The following RFLNA variants were observed in gnomAD, a reference collection of about 807,000 sequenced individuals.
RFLNA encodes refilin-A.
In RFLNA, 5 loss-of-function variants were observed where a neutral mutation model predicts 7.8. The observed-to-expected ratio is 0.64, with a 90% CI of 0.34 to 1.35. RFLNA has a LOEUF of 1.35. Ranked by LOEUF, RFLNA falls within the 40% of genes most tolerant of loss-of-function variation. The probability of loss-of-function intolerance (pLI) is 0.04; values close to 1 mark genes in which losing one functional copy is unlikely to be tolerated. For missense variants in RFLNA, 278 were observed against 305.5 expected (o/e 0.91, Z 0.67); for synonymous variants, 141 against 131.3 (o/e 1.07, Z -0.50).
chr12:124,301,441 C>T (rs548321032), intron 1 of RFLNA, among the ~76,000 whole-genome samples: 3 of 152,266 alleles, frequency 2.0e-5, no homozygotes, highest in African/African-American at 7.2e-5. Flanking sequence ...GCAGCTTTCC[C>T]GGAGACAGCT....
At chr12:124,295,967 G>T (rs1269692354) in intron 1 of RFLNA, among the ~76,000 whole-genome samples, 1 of 151,640 alleles carries the variant, frequency 6.6e-6, no homozygotes, top group Non-Finnish European at 1.5e-5. Flanking sequence ...TGTTGGCTAG[G>T]TGGGCTTGCG....
chr12:124,301,288 CG>C (rs1294259767), intron 1 of RFLNA, among the ~76,000 whole-genome samples: 3 of 152,214 alleles, frequency 2.0e-5, no homozygotes, highest in African/African-American at 7.2e-5. Context: ...CCCCGGTCTC[CG>C]GGGCAGGCTT....
intron 1 of RFLNA, among the ~76,000 whole-genome samples, chr12:124,309,007 G>C (rs372096959): frequency 6.6e-6 from 1 of 152,242 alleles, no homozygotes; most frequent in Non-Finnish European, 1.5e-5. Context: ...ATGAATTTAA[G>C]TTGAATAGCC....
chr12:124,310,198 C>CAAAAAAAAAAAAAAAAAAAA (rs2034216894), intron 1 of RFLNA, among the ~76,000 whole-genome samples: 2 of 31,146 alleles, frequency 6.4e-5, no homozygotes, highest in East Asian at 1.3e-3. Flanking sequence ...AAAAAAAAAG[C>CAAAAAAAAAAAAAAAAAAAA]CTTTAGAAAC....
intron 1 of RFLNA, among the ~76,000 whole-genome samples, chr12:124,308,056 A>T (rs1481198461): frequency 6.7e-6 from 1 of 148,724 alleles, no homozygotes; most frequent in Non-Finnish European, 1.5e-5. Context: ...ATCTCGGCTC[A>T]CTGCAACCTC....
At chr12:124,302,433 T>C (rs1303696161) in intron 1 of RFLNA, among the ~76,000 whole-genome samples, 2 of 152,126 alleles carry the variant, frequency 1.3e-5, no homozygotes, top group African/African-American at 4.8e-5. Context: ...TGGCTCTCCA[T>C]ATGGCCTGAC....
chr12:124,295,094 G>A lies in RFLNA; in HGVS notation c.-336G>A, dbSNP rs1199260596. ...AGGAGGCGCGGGCCGGGGAGGTGCG[G>A]AGAGGGCCGGGCGGCAACGTGCGCC... On this transcript the variant is annotated 5_prime_UTR_variant, in exon 1 of 3. Transcript: ENST00000546355. 6.6e-6 allele frequency: 1 copy of A among 152,414 alleles called. No individual in the cohort carries two copies. Among genetic ancestry groups the A allele is most frequent in the East Asian group, 1.9e-4 (1 of 5,182 alleles). The allele number at this position is 152,414 out of a possible 1,614,324, so 9.4% of individuals were successfully genotyped here.
At position 124,310,792 on chromosome 12, in the gene RFLNA, GCTTT is replaced by G. The variant is rs577409592; in HGVS notation, c.208-1021_208-1018del. On this transcript the variant is annotated intron_variant, in intron 1 of 2. Transcript: ENST00000546355. ...TGGATTTGGGAGGGGAACAGAGAGT[GCTTT>G]CTTTGTGTCTGTCTGATGGGGCTCT... 9.5e-4 allele frequency among the ~76,000 whole-genome samples: 145 copies of G among 152,298 alleles called. 4 individuals are homozygous for G. In the South Asian group the frequency reaches 0.022, roughly 23 times the overall value.
Position 124,314,357 on chromosome 12 carries a change from C to T in RFLNA, c.483C>T (p.Ala161=), listed in dbSNP as rs2034309749. 1 of 1,613,184 alleles carries T rather than the reference C, an allele frequency of 6.2e-7. No individual in the cohort carries two copies. The highest frequency in any genetic ancestry group is 8.5e-7 in the Non-Finnish European group (1 of 1,179,956). The change falls in exon 3 of 3, where the codon GCC becomes GCT. Residue 161 remains alanine, a synonymous_variant. Coordinates refer to ENST00000546355, the MANE Select transcript of RFLNA (RefSeq NM_001365156.1). ...SQLTLEPRPR[A]LRFRSTTIIF... Reference sequence around the variant, plus strand: ...TGACCCTGGAGCCACGCCCGCGCGCCCTGCGCTTCCGCAGCACCACCATCA... The same window carrying T: ...TGACCCTGGAGCCACGCCCGCGCGCTCTGCGCTTCCGCAGCACCACCATCA...
chr12:124,301,516 G>T (rs1432190159), intron 1 of RFLNA, among the ~76,000 whole-genome samples: 1 of 152,164 alleles, frequency 6.6e-6, no homozygotes, highest in African/African-American at 2.4e-5. Context: ...GCGGGGCACG[G>T]TACATGGACT....
intron 1 of RFLNA, among the ~76,000 whole-genome samples, chr12:124,296,270 C>T (rs768165410): frequency 1.3e-4 from 19 of 147,486 alleles, no homozygotes; most frequent in Non-Finnish European, 2.1e-4. Context: ...TGACGTGGAG[C>T]TTAGGCGGGA....
intron 1 of RFLNA, 122 bp downstream of exon 1, chr12:124,295,758 A>C: frequency 9.8e-7 from 1 of 1,022,230 alleles, no homozygotes; most frequent in Non-Finnish European, 1.3e-6. Flanking sequence ...CCCCGCAACC[A>C]CGAAGGTGGC....
intron 2 of RFLNA, among the ~76,000 whole-genome samples, chr12:124,313,261 C>A (rs2034285513): frequency 6.6e-6 from 1 of 152,142 alleles, no homozygotes; most frequent in African/African-American, 2.4e-5. Flanking sequence ...TCTCTCCTTC[C>A]CAGAGCTTCC....
chr12:124,296,156 C>T (rs1431401569), intron 1 of RFLNA, among the ~76,000 whole-genome samples: 11 of 716 alleles, frequency 0.015, no homozygotes, highest in Middle Eastern at 0.5. Flanking sequence ...CTTCTCTTCT[C>T]TTCTCTTCTC....
chr12:124,296,860 T>C (rs977923685), intron 1 of RFLNA, among the ~76,000 whole-genome samples: 3 of 152,214 alleles, frequency 2.0e-5, no homozygotes, highest in Non-Finnish European at 4.4e-5. Context: ...TGGGTGATTG[T>C]ACTGTTCAGC....
chr12:124,309,365 G>A (rs979561276), intron 1 of RFLNA, among the ~76,000 whole-genome samples: 19 of 152,246 alleles, frequency 1.2e-4, no homozygotes, highest in Non-Finnish European at 2.6e-4. Flanking sequence ...AGCAGTGGGG[G>A]ATTCAGGCAG....
At chr12:124,302,234 C>T (rs1164799156) in intron 1 of RFLNA, among the ~76,000 whole-genome samples, 1 of 152,206 alleles carries the variant, frequency 6.6e-6, no homozygotes, top group African/African-American at 2.4e-5. Flanking sequence ...TTGAACTTAT[C>T]TTTGTGGGGG....
chr12:124,310,074 G>A (rs2034210955), intron 1 of RFLNA, among the ~76,000 whole-genome samples: 1 of 149,746 alleles, frequency 6.7e-6, no homozygotes, highest in African/African-American at 2.5e-5. Flanking sequence ...GTGGGAGGCT[G>A]GGGTGGAAGG....
intron 1 of RFLNA, among the ~76,000 whole-genome samples, chr12:124,304,467 G>A (rs962219999): frequency 4.6e-5 from 7 of 152,172 alleles, no homozygotes; most frequent in African/African-American, 1.7e-4. Context: ...GGCCTTGTCT[G>A]CTGCTGGCAG....
Sources: allele counts gnomAD v4.1 joint callset (sites outside exome capture counted in the v4.1 genomes callset), GRCh38; gene constraint gnomAD v4.1.1; transcripts MANE v1.5; gene names NCBI Gene and HGNC (gene_info 2026-07-23, HGNC 2026-07-21).